The following USP15 variants were observed in gnomAD, a reference collection of about 807,000 sequenced individuals.
USP15 encodes ubiquitin specific peptidase 15, also known as ubiquitin carboxyl-terminal hydrolase 15.
Under a neutral mutation model 127.1 loss-of-function variants are expected in USP15, and 18 were observed. That is an observed-to-expected ratio of 0.14 (90% CI 0.10 to 0.21). USP15 has a LOEUF of 0.21. Ranked by LOEUF, USP15 falls within the 10% of genes least tolerant of loss-of-function variation. The pLI, the probability that USP15 is intolerant of heterozygous loss-of-function variation, is 1.00. For missense variants in USP15, 805 were observed against 1,159.9 expected, an observed-to-expected ratio of 0.69 and a Z score of 4.44; for synonymous variants, 364 against 393.7, an observed-to-expected ratio of 0.92 and a Z score of 0.89.
intron 2 of USP15, among the ~76,000 whole-genome samples, chr12:62,295,639 T>C (rs573325287): frequency 3.0e-4 from 45 of 152,312 alleles, no homozygotes; most frequent in African/African-American, 9.4e-4. Flanking sequence ...AAATTAAAAG[T>C]TGCTAGATTG....
intron 11 of USP15, among the ~76,000 whole-genome samples, chr12:62,388,798 G>A (rs1298868323): frequency 6.6e-6 from 1 of 152,164 alleles, no homozygotes; most frequent in Non-Finnish European, 1.5e-5. Context: ...TCCAGGAGAA[G>A]CAAGAAGTAG....
intron 5 of USP15, among the ~76,000 whole-genome samples, chr12:62,324,998 G>T (rs531049713): frequency 6.6e-6 from 1 of 151,844 alleles, no homozygotes; most frequent in Non-Finnish European, 1.5e-5. Flanking sequence ...TTTATTTCAC[G>T]TCATATTGTC....
intron 20 of USP15, among the ~76,000 whole-genome samples, chr12:62,397,462 C>A (rs1413922395): frequency 6.6e-6 from 1 of 152,022 alleles, no homozygotes; most frequent in African/African-American, 2.4e-5. Flanking sequence ...AAAAATGTAT[C>A]CATTTCATTT....
At chr12:62,363,595 A>T (rs986297848) in intron 8 of USP15, among the ~76,000 whole-genome samples, 19 of 152,076 alleles carry the variant, frequency 1.2e-4, no homozygotes, top group African/African-American at 4.6e-4. Flanking sequence ...CACAGTACTC[A>T]TAACCATCTG....
At chr12:62,308,611 G>C (rs1275493782) in intron 3 of USP15, among the ~76,000 whole-genome samples, 1 of 152,078 alleles carries the variant, frequency 6.6e-6, no homozygotes, top group Non-Finnish European at 1.5e-5. Flanking sequence ...AGCTACATGA[G>C]TGAGCTTGTA....
chr12:62,415,065 A>G lies in USP15; in HGVS notation c.*10690A>G, dbSNP rs998666086. ...AATTAGTTCATGCACTTAGGCTGAG[A>G]AGTCTCATGATCTTCAGTCAGCAGG... On this transcript the variant is annotated 3_prime_UTR_variant, in exon 22 of 22. Coordinates refer to ENST00000280377, the MANE Select transcript of USP15 (RefSeq NM_001252078.2). The G allele has an allele frequency of 5.3e-5, 8 of 151,928 alleles. No individual in the cohort carries two copies. Among genetic ancestry groups the G allele is most frequent in the African/African-American group, 1.9e-4 (8 of 41,344 alleles). The allele number at this position is 151,928 out of a possible 1,614,324, so 9.4% of individuals were successfully genotyped here. A position where few individuals can be genotyped will look rare whatever the true frequency, so the allele number is the denominator to read the frequency against.
chr12:62,337,353 T>C (rs2065500512), intron 6 of USP15, among the ~76,000 whole-genome samples: 1 of 152,152 alleles, frequency 6.6e-6, no homozygotes, highest in Non-Finnish European at 1.5e-5. Context: ...GGATTTACAG[T>C]TCCACATGGC....
chr12:62,331,516 A>G (rs1349938182), intron 6 of USP15, among the ~76,000 whole-genome samples: 1 of 152,224 alleles, frequency 6.6e-6, no homozygotes, highest in Non-Finnish European at 1.5e-5. Context: ...TAAGTACTTC[A>G]TATGAACAAG....
intron 6 of USP15, among the ~76,000 whole-genome samples, chr12:62,329,571 T>A (rs2065225771): frequency 7.0e-6 from 1 of 142,414 alleles, no homozygotes; most frequent in Non-Finnish European, 1.5e-5. Flanking sequence ...ATACCTGTAA[T>A]ATATTAAGAA....
At chr12:62,374,063 A>G (rs994727815) in intron 8 of USP15, among the ~76,000 whole-genome samples, 3 of 151,994 alleles carry the variant, frequency 2.0e-5, no homozygotes, top group Non-Finnish European at 2.9e-5. Context: ...TATTGTCATG[A>G]TTAATTAGAA....
At chr12:62,369,414 A>G (rs917727189) in intron 8 of USP15, among the ~76,000 whole-genome samples, 128 of 152,060 alleles carry the variant, frequency 8.4e-4, no homozygotes, top group African/African-American at 3.0e-3. Flanking sequence ...GCAAAAACAC[A>G]TTGTTCACAC....
chr12:62,348,963 T>A (rs1253852329), intron 6 of USP15, among the ~76,000 whole-genome samples: 4 of 152,150 alleles, frequency 2.6e-5, no homozygotes, highest in Non-Finnish European at 5.9e-5. Flanking sequence ...ATGTAGTTAG[T>A]AGATTTATAG....
chr12:62,350,978 A>T (rs1464833630), intron 7 of USP15, among the ~76,000 whole-genome samples: 1 of 152,120 alleles, frequency 6.6e-6, no homozygotes, highest in Non-Finnish European at 1.5e-5. Context: ...TATGTAAATT[A>T]AAACCATGAA....
chr12:62,335,398 T>G, intron 6 of USP15: 1 of 1,396,014 alleles, frequency 7.2e-7, no homozygotes. Flanking sequence ...GCAACAGTAT[T>G]GTAAAATTGT....
intron 6 of USP15, among the ~76,000 whole-genome samples, chr12:62,344,242 T>TA (rs778094329): frequency 7.9e-5 from 12 of 152,210 alleles, no homozygotes; most frequent in Non-Finnish European, 1.3e-4. Flanking sequence ...ACAAGGAAGA[T>TA]ACAGGCATTG....
chr12:62,347,813 A>G (rs1184117017), intron 6 of USP15, among the ~76,000 whole-genome samples: 1 of 152,224 alleles, frequency 6.6e-6, no homozygotes, highest in African/African-American at 2.4e-5. Flanking sequence ...CCCACTTAAC[A>G]GAATCCAGTA....
At position 62,404,375 on chromosome 12, in the gene USP15, A is replaced by G. The variant is rs138462391; in HGVS notation, c.2946A>G (p.Ter982=). Residue 982 remains the stop codon, a stop_retained_variant, in exon 22 of 22, where the codon TAA becomes TAG. Coordinates refer to ENST00000280377, the MANE Select transcript of USP15 (RefSeq NM_001252078.2). ...ATGAAAACTGTATGCACACTAACTA[A>G]TGAAAGTCCTAGAAGCCATAAAAGA... ...IENENCMHTN[*] is the part of the protein sequence containing the mutation. The G allele has an allele frequency of 1.8e-4, 282 of 1,591,464 alleles. No homozygotes were observed. The African/African-American group carries it at 2.8e-3, about 16-fold the overall frequency.
rs1355276325 is a variant in USP15, at chr12:62,302,940, G to A, written c.348+20G>A. ...CGAAAGGTACATTTTAATAATAACT[G>A]ACTATAAATATTATTTTTCTTGATT... On this transcript the variant is annotated intron_variant, in intron 3 of 21. Coordinates refer to ENST00000280377, the MANE Select transcript of USP15 (RefSeq NM_001252078.2). The A allele has an allele frequency of 3.1e-6, 5 of 1,597,080 alleles. No individual in the cohort carries two copies. The highest frequency in any genetic ancestry group is 1.7e-6 in the Non-Finnish European group (2 of 1,170,964).
At chr12:62,371,165 A>G (rs950264451) in intron 8 of USP15, among the ~76,000 whole-genome samples, 1 of 152,202 alleles carries the variant, frequency 6.6e-6, no homozygotes, top group Admixed American at 6.5e-5. Context: ...CCCATCACCT[A>G]AAGGATAAAA....
Sources: gnomAD v4.1 joint callset for allele counts (sites outside exome capture counted in the v4.1 genomes callset) on GRCh38, gnomAD v4.1.1 for gene constraint, MANE v1.5 for transcripts, NCBI Gene and HGNC (gene_info 2026-07-23, HGNC 2026-07-21) for gene names.